SERPINB9: variants seen among roughly 807,000 people sequenced by gnomAD.
SERPINB9 encodes the protein serpin family B member 9.
SERPINB9 carries 20 observed loss-of-function variants against 27.2 expected under a neutral mutation model. That is an observed-to-expected ratio of 0.74 (90% confidence interval 0.52 to 1.07). The LOEUF is 1.07. Ranked by LOEUF, SERPINB9 falls within the 50% of genes least tolerant of loss-of-function variation. SERPINB9 has a pLI of 0.00. For synonymous variants in SERPINB9, 189 were observed against 180.0 expected, an observed-to-expected ratio of 1.05 and a Z score of -0.40; for missense variants, 476 against 460.1, an observed-to-expected ratio of 1.03 and a Z score of -0.32.
chr6:2,897,317 T>C (rs992681315), intron 2 of SERPINB9, among the ~76,000 whole-genome samples: 2 of 151,920 alleles, frequency 1.3e-5, no homozygotes, highest in African/African-American at 4.8e-5. Flanking sequence ...AATACGAAAA[T>C]TAGCCGGGTG....
rs561286160 is a variant in SERPINB9, at chr6:2,887,937, G to C, written c.*2226C>G. ...CCCTTTTCTAAGTGTACTTCACTTT[G>C]TTTTCATTCCTCCTCTAAAGCTTTT... On this transcript the variant is annotated 3_prime_UTR_variant, in exon 7 of 7. Transcript: ENST00000380698. 118 of 146,720 alleles carry C rather than the reference G, an allele frequency of 8.0e-4. No homozygotes were observed. Among genetic ancestry groups the C allele is most frequent in the African/African-American group, 2.6e-3 (104 of 39,950 alleles). 9.1% of individuals were successfully genotyped at this position (146,720 alleles called of 1,614,324 possible).
In SERPINB9 at chr6:2,888,807, C is replaced by T. The variant is rs1561641088; in HGVS notation, c.*1356G>A. ...ATACTAAGTGGCACTGAACTTCTCA[C>T]TTTAAAATAGTTAATTTTATGTTAT... On this transcript the variant is annotated 3_prime_UTR_variant, in exon 7 of 7. Transcript: ENST00000380698. The T allele has an allele frequency of 6.6e-6, 1 of 151,502 alleles. No homozygotes were observed. 9.4% of individuals were successfully genotyped at this position (151,502 alleles called of 1,614,324 possible).
chr6:2,903,158 C>T lies in SERPINB9; in HGVS notation c.-11+43G>A, dbSNP rs1768257922. ...GGCAGCCGGTGGACCTGAAGCTCGCCACTCCCGTCCCCTACCCCAGCCGTG... is the reference window on the plus strand; with the variant it reads ...GGCAGCCGGTGGACCTGAAGCTCGCTACTCCCGTCCCCTACCCCAGCCGTG... On this transcript the variant is annotated intron_variant, in intron 1 of 6. Transcript: ENST00000380698. The surrounding 1 kb of genome is among the most constrained non-coding windows in gnomAD (Gnocchi z 5.2). The T allele has an allele frequency of 6.6e-6, 1 of 152,276 alleles. No homozygotes were observed. The highest frequency in any genetic ancestry group is 1.5e-5 in the Non-Finnish European group (1 of 68,108). 9.4% of individuals were successfully genotyped at this position (152,276 alleles called of 1,614,324 possible).
intron 5 of SERPINB9, among the ~76,000 whole-genome samples, chr6:2,893,203 T>TTATATATACGTA (rs1561644449): frequency 4.9e-5 from 7 of 142,466 alleles, no homozygotes; most frequent in African/African-American, 1.9e-4. Flanking sequence ...TATATATATA[T>TTATATATACGTA]TATATATACG....
chr6:2,888,832 T>C lies in SERPINB9; in HGVS notation c.*1331A>G, dbSNP rs2113592587. 6.6e-6 allele frequency: 1 copy of C among 151,984 alleles called. No individual in the cohort carries two copies. The highest frequency in any genetic ancestry group is 2.1e-4 in the South Asian group (1 of 4,812). 9.4% of individuals were successfully genotyped at this position (151,984 alleles called of 1,614,324 possible). ...CTTTAAAATAGTTAATTTTATGTTA[T>C]GTGAAGTTTACCTCAATAAAAAAAT... is the stretch of plus-strand genomic sequence containing the variant. On this transcript the variant is annotated 3_prime_UTR_variant, in exon 7 of 7. Coordinates refer to ENST00000380698, the MANE Select transcript of SERPINB9 (RefSeq NM_004155.6).
Position 2,894,945 on chromosome 6 carries a change from G to C in SERPINB9, c.424+446C>G, listed in dbSNP as rs986551377. Among the ~76,000 whole-genome samples, 7 of 151,766 alleles carry C rather than the reference G, an allele frequency of 4.6e-5. No individual in the cohort carries two copies. The highest frequency in any genetic ancestry group is 4.6e-4 in the Admixed American group (7 of 15,232). The stretch of plus-strand genomic sequence containing the variant: ...TTTTTAGTAGAGATGTTGGGCGGGG[G>C]GGGGTCCCACCATGTTGGTCAGGCT... On this transcript the variant is annotated intron_variant, in intron 4 of 6. Coordinates refer to ENST00000380698, the MANE Select transcript of SERPINB9 (RefSeq NM_004155.6). This position sits in a 1 kb window ranked among gnomAD's most constrained non-coding sequence, Gnocchi z 4.7.
chr6:2,898,628 T>C (rs962006613), intron 2 of SERPINB9, among the ~76,000 whole-genome samples: 1 of 152,130 alleles, frequency 6.6e-6, no homozygotes, highest in Non-Finnish European at 1.5e-5. Context: ...CCATCCTGAC[T>C]AACACAGTGA....
intron 2 of SERPINB9, chr6:2,900,077 T>A: frequency 2.7e-6 from 1 of 364,294 alleles, no homozygotes; most frequent in Non-Finnish European, 5.4e-6. Context: ...TCCTTACCAA[T>A]GAAAGTTTAG....
At chr6:2,898,198 T>A (rs1007466662) in intron 2 of SERPINB9, among the ~76,000 whole-genome samples, 4 of 152,030 alleles carry the variant, frequency 2.6e-5, no homozygotes, top group Non-Finnish European at 5.9e-5. Context: ...GATGATCTTT[T>A]GAGGGATTTT....
intron 2 of SERPINB9, among the ~76,000 whole-genome samples, chr6:2,899,327 A>C (rs1054767266): frequency 1.3e-5 from 2 of 152,192 alleles, no homozygotes; most frequent in Non-Finnish European, 2.9e-5. Context: ...TGAATGCCTG[A>C]TAACACAACT....
rs529753713 is a variant in SERPINB9 at position 2,893,213 on chromosome 6, G to A, written c.567+198C>T. 5.2e-5 allele frequency among the ~76,000 whole-genome samples: 7 copies of A among 133,952 alleles called. No homozygotes were observed. The South Asian group carries it at 1.1e-3, about 21-fold the overall frequency. 87.9% of individuals were successfully genotyped at this position (133,952 alleles called of 152,430 possible). On this transcript the variant is annotated intron_variant, in intron 5 of 6. Coordinates refer to ENST00000380698, the MANE Select transcript of SERPINB9 (RefSeq NM_004155.6). Reference sequence around the variant, plus strand: ...ATATATATATATATATTATATATACGTATATATAATATATATATGCAGCAA... The same window carrying A: ...ATATATATATATATATTATATATACATATATATAATATATATATGCAGCAA...
chr6:2,895,701 T>C (rs989404692), intron 3 of SERPINB9, among the ~76,000 whole-genome samples, 193 bp from the exon 4 acceptor site: 2 of 151,972 alleles, frequency 1.3e-5, no homozygotes, highest in Non-Finnish European at 2.9e-5. Context: ...TAACCAGAAA[T>C]GAACTTGAGA....
At position 2,903,112 on chromosome 6, in the gene SERPINB9, C is replaced by T. The variant is rs1306517885; in HGVS notation, c.-11+89G>A. 6.6e-6 allele frequency: 1 copy of T among 152,310 alleles called. No homozygotes were observed. Among genetic ancestry groups the T allele is most frequent in the African/African-American group, 2.4e-5 (1 of 41,442 alleles). The allele number at this position is 152,310 out of a possible 1,614,324, so 9.4% of individuals were successfully genotyped here. On this transcript the variant is annotated intron_variant, in intron 1 of 6. Coordinates refer to ENST00000380698, the MANE Select transcript of SERPINB9 (RefSeq NM_004155.6). The surrounding 1 kb of genome is among the most constrained non-coding windows in gnomAD (Gnocchi z 5.2). ...CTCTTGGCTGAGCGACCTCTCCTGT[C>T]CTCCGGTCCCATCACTCGGTGGCAG...
Position 2,888,362 on chromosome 6 carries a change from C to T in SERPINB9, c.*1801G>A, listed in dbSNP as rs1037300220. 9 of 152,146 alleles carry T rather than the reference C, an allele frequency of 5.9e-5. No homozygotes were observed. Among genetic ancestry groups the T allele is most frequent in the African/African-American group, 2.2e-4 (9 of 41,422 alleles). The allele number at this position is 152,146 out of a possible 1,614,324, so 9.4% of individuals were successfully genotyped here. On this transcript the variant is annotated 3_prime_UTR_variant, in exon 7 of 7. Coordinates refer to ENST00000380698, the MANE Select transcript of SERPINB9 (RefSeq NM_004155.6). ...TATACCCAAGAGAATGCAAAATAGG[C>T]ATTCAAACAAATACAGGTACACAAA...
At chr6:2,902,609 T>C (rs1581203483) in intron 1 of SERPINB9, among the ~76,000 whole-genome samples, 1 of 152,192 alleles carries the variant, frequency 6.6e-6, no homozygotes, top group African/African-American at 2.4e-5. Context: ...AACCTCTGCC[T>C]CCCGAGTTGA....
In SERPINB9 at chr6:2,891,234, G is replaced by A. The variant is rs1264547572; in HGVS notation, c.723+599C>T. Among the ~76,000 whole-genome samples, 2 of 152,196 alleles carry A rather than the reference G, an allele frequency of 1.3e-5. No individual in the cohort carries two copies. Among genetic ancestry groups the A allele is most frequent in the Non-Finnish European group, 2.9e-5 (2 of 68,034 alleles). On this transcript the variant is annotated intron_variant, in intron 6 of 6. Transcript: ENST00000380698. The surrounding 1 kb of genome is among the most constrained non-coding windows in gnomAD (Gnocchi z 4.0). The stretch of plus-strand genomic sequence containing the variant: ...GTGCCTGGATGTGCCCTCAGAGGCT[G>A]CCTCTGGTCCCACCCTCTGAGAACT...
At chr6:2,900,258 G>T (rs908801155) in intron 2 of SERPINB9, among the ~76,000 whole-genome samples, 186 bp downstream of exon 2, 1 of 145,796 alleles carries the variant, frequency 6.9e-6, no homozygotes, top group Non-Finnish European at 1.5e-5. Flanking sequence ...CGGTGGAGCA[G>T]AGTTCCTGCC....
At chr6:2,900,177 C>T (rs933886239) in intron 2 of SERPINB9, 35 of 525,858 alleles carry the variant, frequency 6.7e-5, no homozygotes, top group Middle Eastern at 3.0e-4. Flanking sequence ...AAAGATTCTG[C>T]GCTAGGACAA....
At chr6:2,899,829 C>T (rs762121775) in intron 2 of SERPINB9, 30 of 414,068 alleles carry the variant, frequency 7.2e-5, no homozygotes, top group South Asian at 4.8e-4. Context: ...TCAGGGATGG[C>T]GCTTTTCGGT....
Sources: gnomAD v4.1 joint callset for allele counts (sites outside exome capture counted in the v4.1 genomes callset) on GRCh38, gnomAD v4.1.1 for gene constraint, Gnocchi (gnomAD v3.1) non-coding constraint, MANE v1.5 for transcripts, NCBI Gene and HGNC (gene_info 2026-07-23, HGNC 2026-07-21) for gene names.